The following SREK1 variants were observed in gnomAD, a reference collection of about 807,000 sequenced individuals.
SREK1 encodes the protein splicing regulatory glutamine/lysine-rich protein 1.
Under a neutral mutation model 66.5 loss-of-function variants are expected in SREK1, and 13 were observed. The observed-to-expected ratio is 0.20, with a 90% CI of 0.13 to 0.31. SREK1 has a LOEUF of 0.31. SREK1 is among the 10% of genes least tolerant of loss of function. The probability of loss-of-function intolerance (pLI) is 1.00; values close to 1 mark genes in which losing one functional copy is unlikely to be tolerated. For synonymous variants in SREK1, 265 were observed against 263.5 expected, an observed-to-expected ratio of 1.01 and a Z score of -0.05; for missense variants, 607 against 769.6, an observed-to-expected ratio of 0.79 and a Z score of 2.50.
chr5:66,178,949 A>G lies in SREK1; in HGVS notation c.*81A>G, dbSNP rs1746294415. 1 of 1,386,838 alleles carries G rather than the reference A, an allele frequency of 7.2e-7. No homozygotes were observed. The allele number at this position is 1,386,838 out of a possible 1,614,324, so 85.9% of individuals were successfully genotyped here. A position where few individuals can be genotyped will look rare whatever the true frequency, so the allele number is the denominator to read the frequency against. ...TCTCTCAACAAGATGTAAACAGGAA[A>G]GAAATCTAGTTGAGCATGAAGATAG... On this transcript the variant is annotated 3_prime_UTR_variant, in exon 12 of 12. Transcript: ENST00000334121.
intron 1 of SREK1, among the ~76,000 whole-genome samples, chr5:66,146,069 A>G (rs1050407113): frequency 2.0e-5 from 3 of 152,068 alleles, no homozygotes; most frequent in African/African-American, 7.2e-5. Context: ...AAGTGCACGC[A>G]CGTACATTTT....
At chr5:66,165,494 A>G (rs893037516) in intron 7 of SREK1, 5 of 152,218 alleles carry the variant, frequency 3.3e-5, no homozygotes, top group African/African-American at 1.2e-4. Context: ...AGCTCTGTTT[A>G]TCTTATTTTT....
At chr5:66,156,693 A>T (rs1744314147) in intron 2 of SREK1, 2 of 985,042 alleles carry the variant, frequency 2.0e-6, no homozygotes. Context: ...AAATATAACA[A>T]TCTGGGAGTA....
At position 66,181,911 on chromosome 5, in the gene SREK1, G is replaced by GC. The variant is rs1447314029; in HGVS notation, c.*3043_*3044insC. 1 of 122,856 alleles carries GC rather than the reference G, an allele frequency of 8.1e-6. No individual in the cohort carries two copies. The highest frequency in any genetic ancestry group is 2.9e-5 in the African/African-American group (1 of 34,428). The allele number at this position is 122,856 out of a possible 1,614,324, so 7.6% of individuals were successfully genotyped here. On this transcript the variant is annotated 3_prime_UTR_variant, in exon 12 of 12. Transcript: ENST00000334121. ...AAAGGTTTTTTTGTCGGGGGGGGGG[G>GC]GGTCAAGAGAATTTATTTTGTGATA...
At chr5:66,161,113 T>C (rs979126880) in intron 3 of SREK1, among the ~76,000 whole-genome samples, 2 of 152,200 alleles carry the variant, frequency 1.3e-5, no homozygotes, top group African/African-American at 4.8e-5. Flanking sequence ...ATGATAATAA[T>C]AACCCATTTC....
In SREK1 at chr5:66,174,898, G is replaced by C; in HGVS notation, c.1485-48G>C. 3 of 1,561,318 alleles carry C rather than the reference G, an allele frequency of 1.9e-6. No individual in the cohort carries two copies. The South Asian group carries it at 3.5e-5, about 18-fold the overall frequency. The stretch of plus-strand genomic sequence containing the variant: ...TTTGCTTTTGTATATTTGAATTGCC[G>C]TTTATTTCAATTGCTGTTTTTAAAA... On this transcript the variant is annotated intron_variant, in intron 9 of 11. Transcript: ENST00000334121.
intron 7 of SREK1, 115 bp from the exon 8 acceptor site, chr5:66,169,936 T>G: frequency 1.3e-6 from 1 of 761,926 alleles, no homozygotes; most frequent in East Asian, 3.1e-5. Flanking sequence ...AACTAAAGTA[T>G]TATTTAAGAG....
intron 6 of SREK1, chr5:66,164,387 T>C: frequency 2.9e-6 from 1 of 343,776 alleles, no homozygotes; most frequent in Non-Finnish European, 5.4e-6. Flanking sequence ...ATGAAAATAA[T>C]TAAAAAACCC....
Position 66,179,351 on chromosome 5 carries a change from ATG to A in SREK1, c.*485_*486del, listed in dbSNP as rs1746326536. ...ATACACACCCTTGTAAGTGCAAAGT[ATG>A]TAAGAAGTTTTAACATTTACTTCAC... On this transcript the variant is annotated 3_prime_UTR_variant, in exon 12 of 12. Transcript: ENST00000334121. 1 of 152,524 alleles carries A rather than the reference ATG, an allele frequency of 6.6e-6. No homozygotes were observed. The highest frequency in any genetic ancestry group is 1.5e-5 in the Non-Finnish European group (1 of 67,988). The allele number at this position is 152,524 out of a possible 1,614,324, so 9.4% of individuals were successfully genotyped here.
At chr5:66,160,260 T>C (rs1007165452) in intron 3 of SREK1, among the ~76,000 whole-genome samples, 3 of 152,224 alleles carry the variant, frequency 2.0e-5, no homozygotes, top group African/African-American at 7.2e-5. Context: ...CTTGCCTTAA[T>C]TGGAAGTTGA....
Position 66,183,569 on chromosome 5 carries a change from G to T in SREK1, c.*4701G>T, listed in dbSNP as rs890532342. The T allele has an allele frequency of 1.3e-5, 2 of 152,122 alleles. No individual in the cohort carries two copies. Among genetic ancestry groups the T allele is most frequent in the African/African-American group, 2.4e-5 (1 of 41,426 alleles). The allele number at this position is 152,122 out of a possible 1,614,324, so 9.4% of individuals were successfully genotyped here. A position where few individuals can be genotyped will look rare whatever the true frequency, so the allele number is the denominator to read the frequency against. On this transcript the variant is annotated 3_prime_UTR_variant, in exon 12 of 12. Coordinates refer to ENST00000334121, the MANE Select transcript of SREK1 (RefSeq NM_001077199.3). Reference sequence around the variant, plus strand: ...TAGTAAAGATTTATCAAACAATGCTGCTATTATGTTGCTATATTTTTAATA... The same window carrying T: ...TAGTAAAGATTTATCAAACAATGCTTCTATTATGTTGCTATATTTTTAATA...
At position 66,179,197 on chromosome 5, in the gene SREK1, C is replaced by T. The variant is rs976293605; in HGVS notation, c.*329C>T. On this transcript the variant is annotated 3_prime_UTR_variant, in exon 12 of 12. Coordinates refer to ENST00000334121, the MANE Select transcript of SREK1 (RefSeq NM_001077199.3). ...ATCAAAGATCCAAGTTTGTACTATC[C>T]CTAAAGACTGGAGATAAGCATTGGA... The T allele has an allele frequency of 5.8e-6, 1 of 173,602 alleles. No homozygotes were observed. The highest frequency in any genetic ancestry group is 1.9e-4 in the South Asian group (1 of 5,230). 10.8% of individuals were successfully genotyped at this position (173,602 alleles called of 1,614,324 possible).
At chr5:66,157,080 C>T (rs990646289) in intron 2 of SREK1, 4 of 967,712 alleles carry the variant, frequency 4.1e-6, no homozygotes, top group Admixed American at 6.2e-5. Context: ...TTTGCCATTA[C>T]CTTTAGGTAA....
intron 3 of SREK1, 93 bp downstream of exon 3, chr5:66,159,427 CTTCTTT>C: frequency 3.8e-5 from 33 of 870,956 alleles, no homozygotes; most frequent in East Asian, 1.4e-4. Context: ...TTTGGATCTT[CTTCTTT>C]TTTTTTTTTT....
chr5:66,162,040 T>C (rs2112023992), intron 3 of SREK1, 69 bp from the exon 4 acceptor site: 1 of 1,528,352 alleles, frequency 6.5e-7, no homozygotes, highest in East Asian at 2.3e-5. Flanking sequence ...TTTTCAAGAT[T>C]AGAGAATGGT....
intron 1 of SREK1, 115 bp from the exon 2 acceptor site, chr5:66,153,348 T>C: frequency 7.3e-7 from 1 of 1,364,668 alleles, no homozygotes; most frequent in Non-Finnish European, 9.9e-7. Flanking sequence ...TAACAAAAAG[T>C]TTTAAAGTCT....
intron 10 of SREK1, among the ~76,000 whole-genome samples, chr5:66,176,713 T>C (rs916559680): frequency 6.6e-6 from 1 of 152,168 alleles, no homozygotes; most frequent in East Asian, 1.9e-4. Context: ...TATGCATTTC[T>C]TAATTCCTAG....
chr5:66,152,033 G>T (rs1364529814), intron 1 of SREK1, among the ~76,000 whole-genome samples: 1 of 151,844 alleles, frequency 6.6e-6, no homozygotes, highest in Non-Finnish European at 1.5e-5. Flanking sequence ...TTTTAGTAGA[G>T]ACGGGGTTTC....
intron 2 of SREK1, chr5:66,156,275 T>G: frequency 7.6e-7 from 1 of 1,321,662 alleles, no homozygotes. Context: ...TGTTTTTGTT[T>G]TTGTTTTTGT....
Sources: gnomAD v4.1 joint callset for allele counts (sites outside exome capture counted in the v4.1 genomes callset) on GRCh38, gnomAD v4.1.1 for gene constraint, MANE v1.5 for transcripts, NCBI Gene and HGNC (gene_info 2026-07-23, HGNC 2026-07-21) for gene names.